The following WDPCP variants were observed in gnomAD, a reference collection of about 807,000 sequenced individuals.
WDPCP encodes WD repeat containing planar cell polarity effector.
A neutral mutation model predicts 93.1 loss-of-function variants in WDPCP; 71 were observed. The ratio of observed to expected loss-of-function variants is 0.76; its 90% CI spans 0.63 to 0.93. The LOEUF is 0.93. WDPCP is among the 40% of genes least tolerant of loss of function. The pLI is 0.00. For synonymous variants in WDPCP, 315 were observed against 315.0 expected, an observed-to-expected ratio of 1.00 and a Z score of 0.00; for missense variants, 844 against 887.4, an observed-to-expected ratio of 0.95 and a Z score of 0.62.
At chr2:63,573,659 C>A (rs1707707502) in intron 1 of WDPCP, among the ~76,000 whole-genome samples, 1 of 152,102 alleles carries the variant, frequency 6.6e-6, no homozygotes. Context: ...AATATGAAAT[C>A]TGGGCACCTT....
At chr2:63,125,238 A>G (rs751884942) in intron 17 of WDPCP, among the ~76,000 whole-genome samples, 1 of 152,220 alleles carries the variant, frequency 6.6e-6, no homozygotes, top group African/African-American at 2.4e-5. Context: ...TACATACGAG[A>G]GACAAGTTTT....
intron 1 of WDPCP, among the ~76,000 whole-genome samples, chr2:63,529,291 C>T (rs926239924): frequency 1.2e-4 from 18 of 152,090 alleles, no homozygotes; most frequent in Admixed American, 5.9e-4. Context: ...CTGTCTTGTG[C>T]AAGTTTTCAA....
intron 2 of WDPCP, chr2:63,717,427 C>A (rs1669354999): frequency 5.2e-6 from 2 of 387,716 alleles, no homozygotes; most frequent in African/African-American, 2.1e-5. Context: ...TCCCTGAATG[C>A]CAGAGGCTGC....
chr2:63,705,990 G>A (rs1485658965), intron 2 of WDPCP, among the ~76,000 whole-genome samples: 1 of 152,132 alleles, frequency 6.6e-6, no homozygotes, highest in Non-Finnish European at 1.5e-5. Flanking sequence ...CCTGTATTGG[G>A]TGCATATATA....
At chr2:63,160,628 C>G (rs562744485) in intron 15 of WDPCP, among the ~76,000 whole-genome samples, 1 of 152,186 alleles carries the variant, frequency 6.6e-6, no homozygotes, top group African/African-American at 2.4e-5. Flanking sequence ...AGCATTTACT[C>G]TGCCTTTCGA....
chr2:63,281,420 G>A (rs1308243791), intron 13 of WDPCP, among the ~76,000 whole-genome samples: 1 of 152,198 alleles, frequency 6.6e-6, no homozygotes, highest in African/African-American at 2.4e-5. Context: ...AAACAGTGTG[G>A]AGATTCTGTG....
At chr2:63,812,679 T>G (rs1386411414) in intron 2 of WDPCP, among the ~76,000 whole-genome samples, 1 of 152,174 alleles carries the variant, frequency 6.6e-6, no homozygotes, top group Non-Finnish European at 1.5e-5. Context: ...CTGTGACTCC[T>G]GACCCACAGA....
At chr2:63,816,878 T>G (rs1670939930) in intron 1 of WDPCP, among the ~76,000 whole-genome samples, 1 of 152,220 alleles carries the variant, frequency 6.6e-6, no homozygotes, top group Admixed American at 6.5e-5. Flanking sequence ...CACTCAGACG[T>G]GCACTGTGTA....
At chr2:63,410,904 T>C (rs1694973773) in intron 9 of WDPCP, among the ~76,000 whole-genome samples, 2 of 152,128 alleles carry the variant, frequency 1.3e-5, no homozygotes, top group African/African-American at 4.8e-5. Flanking sequence ...CAATTACTAA[T>C]TGACCTAACA....
At chr2:63,182,089 A>G (rs1329969526) in intron 14 of WDPCP, among the ~76,000 whole-genome samples, 1 of 151,994 alleles carries the variant, frequency 6.6e-6, no homozygotes, top group Non-Finnish European at 1.5e-5. Context: ...TCATATCATG[A>G]GCAAACAGAG....
Position 63,722,677 on chromosome 2 carries a change from G to A in WDPCP, n.309-71839C>T, listed in dbSNP as rs1313136169. On this transcript the variant is annotated intron_variant and non_coding_transcript_variant, in intron 2 of 4. Coordinates refer to the WDPCP transcript ENST00000467687. ...GGAGGTGGGGGGGGGTCAGCCCCCC[G>A]CCCGGCCAGCCGCCCCGTCCGGGAG... is the stretch of plus-strand genomic sequence containing the variant. Among the ~76,000 whole-genome samples, 130 of 123,374 alleles carry A rather than the reference G, an allele frequency of 1.1e-3. 1 individual carries two copies. The highest frequency in any genetic ancestry group is 8.1e-3 in the Admixed American group (102 of 12,620). The allele number at this position is 123,374 out of a possible 152,430, so 80.9% of individuals were successfully genotyped here. A position where few individuals can be genotyped will look rare whatever the true frequency, so the allele number is the denominator to read the frequency against.
intron 14 of WDPCP, among the ~76,000 whole-genome samples, chr2:63,236,286 G>T (rs1242704941): frequency 1.3e-5 from 2 of 151,772 alleles, no homozygotes; most frequent in African/African-American, 4.8e-5. Flanking sequence ...AAAGTGAAAG[G>T]TCTCCACAAG....
At chr2:63,632,521 T>C (rs1488389743) in intron 3 of WDPCP, among the ~76,000 whole-genome samples, 1 of 151,712 alleles carries the variant, frequency 6.6e-6, no homozygotes. Context: ...AACAGACAGA[T>C]AGAAATTATA....
chr2:63,524,336 C>G (rs1172124464), intron 1 of WDPCP, among the ~76,000 whole-genome samples: 1 of 152,272 alleles, frequency 6.6e-6, no homozygotes, highest in South Asian at 2.1e-4. Context: ...AAGCATCACA[C>G]TACCTGACCT....
intron 1 of WDPCP, among the ~76,000 whole-genome samples, chr2:63,542,080 G>A (rs1242303907): frequency 6.6e-6 from 1 of 152,110 alleles, no homozygotes; most frequent in East Asian, 1.9e-4. Flanking sequence ...TCCAAAATAA[G>A]TGACTGCATA....
At chr2:63,460,374 T>C (rs1270634593) in intron 6 of WDPCP, among the ~76,000 whole-genome samples, 2 of 152,104 alleles carry the variant, frequency 1.3e-5, no homozygotes, top group Non-Finnish European at 2.9e-5. Context: ...TCCAAACATA[T>C]AGTTAGATAG....
At chr2:63,135,606 A>C (rs944670742) in intron 17 of WDPCP, among the ~76,000 whole-genome samples, 9 of 152,250 alleles carry the variant, frequency 5.9e-5, no homozygotes, top group African/African-American at 2.2e-4. Flanking sequence ...TTAGGATTAT[A>C]GGCATGTGCC....
intron 12 of WDPCP, among the ~76,000 whole-genome samples, chr2:63,344,608 T>C (rs1383095744): frequency 6.6e-6 from 1 of 152,192 alleles, no homozygotes; most frequent in Non-Finnish European, 1.5e-5. Flanking sequence ...CCAGGTTTCT[T>C]TGGTCTGTCT....
intron 3 of WDPCP, among the ~76,000 whole-genome samples, chr2:63,649,814 C>G (rs1038614664): frequency 6.6e-6 from 1 of 152,128 alleles, no homozygotes. Context: ...CAGAAATGAT[C>G]AATGGCTACA....
Sources: gnomAD v4.1 joint callset for allele counts (sites outside exome capture counted in the v4.1 genomes callset) on GRCh38, gnomAD v4.1.1 for gene constraint, MANE v1.5 for transcripts, NCBI Gene and HGNC (gene_info 2026-07-23, HGNC 2026-07-21) for gene names.